PDE1A: variants seen among roughly 807,000 people sequenced by gnomAD.
PDE1A encodes dual specificity calcium/calmodulin-dependent 3',5'-cyclic nucleotide phosphodiesterase 1A.
PDE1A carries 35 observed loss-of-function variants against 61.7 expected under a neutral mutation model. That is an observed-to-expected ratio of 0.57 (90% CI 0.43 to 0.75). PDE1A has a LOEUF of 0.75. Ranked by LOEUF, PDE1A falls within the 30% of genes least tolerant of loss-of-function variation. PDE1A has a pLI of 0.00. For synonymous variants in PDE1A, 232 were observed against 213.2 expected, an observed-to-expected ratio of 1.09 and a Z score of -0.77; for missense variants, 597 against 630.6, an observed-to-expected ratio of 0.95 and a Z score of 0.57.
At chr2:182,281,205 T>C (rs1021148108) in intron 1 of PDE1A, among the ~76,000 whole-genome samples, 8 of 151,958 alleles carry the variant, frequency 5.3e-5, no homozygotes, top group African/African-American at 1.7e-4. Context: ...TAATTTTGTG[T>C]TTTCATCAGT....
intron 2 of PDE1A, among the ~76,000 whole-genome samples, chr2:182,248,107 T>G (rs1168956384): frequency 6.6e-6 from 1 of 151,840 alleles, no homozygotes; most frequent in Non-Finnish European, 1.5e-5. Flanking sequence ...GATACAAAAA[T>G]TTAGCTGGGT....
chr2:182,436,644 C>T (rs1338998846), intron 2 of PDE1A, among the ~76,000 whole-genome samples: 1 of 151,956 alleles, frequency 6.6e-6, no homozygotes, highest in Non-Finnish European at 1.5e-5. Context: ...GGAAAGTTGG[C>T]ATGTGTTTGG....
At chr2:182,360,590 T>G (rs1314703058) in intron 1 of PDE1A, among the ~76,000 whole-genome samples, 2 of 151,554 alleles carry the variant, frequency 1.3e-5, no homozygotes, top group Non-Finnish European at 2.9e-5. Context: ...GTGGGCATAG[T>G]GCCCAGGGCC....
At chr2:182,246,397 TTTTCTTTC>T (rs372150135) in intron 2 of PDE1A, among the ~76,000 whole-genome samples, 1,533 of 84,408 alleles carry the variant, frequency 0.018, 41 homozygotes, top group African/African-American at 0.048. Context: ...CTTTTTTCTT[TTTTCTTTC>T]TTTTTTTTTT....
chr2:182,643,583 G>A, the PDE1A span, among the ~76,000 whole-genome samples: 1 of 152,164 alleles, frequency 6.6e-6, no homozygotes, highest in South Asian at 2.1e-4. Context: ...TTGAGTTATA[G>A]TTCTAAGAAG....
intron 11 of PDE1A, 141 bp from the exon 12 acceptor site, chr2:182,186,729 TG>T: frequency 1.4e-6 from 1 of 734,186 alleles, no homozygotes; most frequent in South Asian, 2.0e-5. Flanking sequence ...GCTTACCCTT[TG>T]TATTGTTTTA....
chr2:182,297,296 A>T (rs1184092107), intron 1 of PDE1A, among the ~76,000 whole-genome samples: 1 of 152,076 alleles, frequency 6.6e-6, no homozygotes. Flanking sequence ...GAAAAAAAAA[A>T]ATCCTACTAA....
chr2:182,700,739 A>AC, the PDE1A span, among the ~76,000 whole-genome samples: 3 of 142,584 alleles, frequency 2.1e-5, no homozygotes, highest in South Asian at 2.3e-4. Context: ...AAAAAAAAAA[A>AC]ACAGAAAGAA....
chr2:182,518,126 A>G (rs770777190), intron 2 of PDE1A, among the ~76,000 whole-genome samples: 8 of 152,234 alleles, frequency 5.3e-5, no homozygotes, highest in Admixed American at 3.9e-4. Flanking sequence ...AGCAGAGAGT[A>G]AAAGGATCAA....
intron 2 of PDE1A, among the ~76,000 whole-genome samples, chr2:182,474,495 T>G (rs1053350481): frequency 2.6e-5 from 4 of 151,918 alleles, no homozygotes; most frequent in African/African-American, 9.7e-5. Context: ...AATTAGCATG[T>G]GATCTTGATC....
At chr2:182,193,873 C>A (rs1441853478) in intron 10 of PDE1A, among the ~76,000 whole-genome samples, 1 of 151,936 alleles carries the variant, frequency 6.6e-6, no homozygotes, top group Admixed American at 6.6e-5. Context: ...CTTTTCATTT[C>A]TGCAATTTTA....
intron 1 of PDE1A, among the ~76,000 whole-genome samples, chr2:182,312,208 T>C (rs1294125404): frequency 1.3e-5 from 2 of 152,148 alleles, no homozygotes; most frequent in Non-Finnish European, 2.9e-5. Flanking sequence ...CTTTTTCAGA[T>C]ATATGGTTTG....
intron 7 of PDE1A, among the ~76,000 whole-genome samples, chr2:182,211,617 T>C (rs1687608993): frequency 6.6e-6 from 1 of 152,230 alleles, no homozygotes; most frequent in Non-Finnish European, 1.5e-5. Flanking sequence ...AGAACTGACA[T>C]CCTGACAATT....
intron 1 of PDE1A, among the ~76,000 whole-genome samples, chr2:182,418,739 T>A (rs1211323556): frequency 6.6e-6 from 1 of 152,186 alleles, no homozygotes; most frequent in African/African-American, 2.4e-5. Context: ...GGCTTTTTTA[T>A]TGTTTTTTAA....
intron 1 of PDE1A, among the ~76,000 whole-genome samples, chr2:182,405,276 T>C (rs1464297198): frequency 6.6e-6 from 1 of 152,214 alleles, no homozygotes; most frequent in Non-Finnish European, 1.5e-5. Flanking sequence ...AGATTTAAAT[T>C]TATTGTCACT....
At chr2:182,515,996 G>C (rs1004124713) in intron 2 of PDE1A, among the ~76,000 whole-genome samples, 1 of 143,950 alleles carries the variant, frequency 6.9e-6, no homozygotes, top group Non-Finnish European at 1.5e-5. Flanking sequence ...GTGTGTGTGT[G>C]TGTGTGTTGG....
intron 2 of PDE1A, among the ~76,000 whole-genome samples, chr2:182,482,249 T>C (rs772740358): frequency 3.9e-5 from 6 of 151,964 alleles, no homozygotes; most frequent in African/African-American, 1.4e-4. Flanking sequence ...TATATAACTT[T>C]TAGGTTATCA....
upstream of PDE1A, among the ~76,000 whole-genome samples, chr2:182,525,041 T>G (rs535428767): frequency 6.6e-6 from 1 of 152,170 alleles, no homozygotes; most frequent in South Asian, 2.1e-4. Flanking sequence ...ATTCTTTCAC[T>G]GAAAGAATTA....
intron 2 of PDE1A, among the ~76,000 whole-genome samples, chr2:182,441,831 C>A (rs1194770283): frequency 6.6e-6 from 1 of 151,910 alleles, no homozygotes; most frequent in African/African-American, 2.4e-5. Flanking sequence ...ATCTGAGCAT[C>A]AAAATAAATA....
Sources: gnomAD v4.1 joint callset for allele counts (sites outside exome capture counted in the v4.1 genomes callset) on GRCh38, gnomAD v4.1.1 for gene constraint, MANE v1.5 for transcripts, NCBI Gene and HGNC (gene_info 2026-07-23, HGNC 2026-07-21) for gene names.